PSD3: variants seen among roughly 807,000 people sequenced by gnomAD.
The protein encoded by PSD3 is PH and SEC7 domain-containing protein 3.
PSD3 carries 49 observed loss-of-function variants against 105.5 expected under a neutral mutation model. That is an observed-to-expected ratio of 0.46 (90% CI 0.37 to 0.59). PSD3 has a LOEUF of 0.59. Ranked by LOEUF, PSD3 falls within the 20% of genes least tolerant of loss-of-function variation. PSD3 has a pLI of 0.00. For synonymous variants in PSD3, 557 were observed against 457.8 expected, an observed-to-expected ratio of 1.22 and a Z score of -2.77; for missense variants, 1,561 against 1,263.8, an observed-to-expected ratio of 1.24 and a Z score of -3.57.
intron 15 of PSD3, among the ~76,000 whole-genome samples, chr8:18,549,992 A>G (rs1800667798): frequency 6.6e-6 from 1 of 152,228 alleles, no homozygotes; most frequent in African/African-American, 2.4e-5. Context: ...AAATACACCA[A>G]TTACAAGACT....
chr8:18,740,719 T>A (rs547343809), intron 9 of PSD3, among the ~76,000 whole-genome samples: 40 of 152,306 alleles, frequency 2.6e-4, no homozygotes, highest in African/African-American at 9.4e-4. Flanking sequence ...ATCCCAAAAG[T>A]CACATGGAAA....
At chr8:18,657,497 C>G (rs1420639271) in intron 9 of PSD3, among the ~76,000 whole-genome samples, 5 of 152,058 alleles carry the variant, frequency 3.3e-5, no homozygotes, top group Non-Finnish European at 1.5e-5. Context: ...TTCTCAAACA[C>G]AAAAGGGATA....
At chr8:18,857,886 G>A (rs1816142726) in intron 4 of PSD3, among the ~76,000 whole-genome samples, 1 of 152,136 alleles carries the variant, frequency 6.6e-6, no homozygotes, top group African/African-American at 2.4e-5. Flanking sequence ...GAGACCAGTA[G>A]AATACCTGCA....
chr8:18,821,866 CA>C (rs1812762543), intron 4 of PSD3, among the ~76,000 whole-genome samples: 3 of 56,260 alleles, frequency 5.3e-5, no homozygotes, highest in South Asian at 6.9e-4. Flanking sequence ...CACACATGCA[CA>C]CACACCACAC....
At chr8:18,820,726 G>A (rs1415783771) in intron 4 of PSD3, among the ~76,000 whole-genome samples, 2 of 152,126 alleles carry the variant, frequency 1.3e-5, no homozygotes, top group Non-Finnish European at 2.9e-5. Context: ...ACAGTCTGCT[G>A]TATGCAGTTG....
chr8:18,907,286 T>C (rs73202148), intron 2 of PSD3, among the ~76,000 whole-genome samples: 2,156 of 152,284 alleles, frequency 0.014, 16 homozygotes, highest in Non-Finnish European at 0.022. Flanking sequence ...GCTCCAAGCA[T>C]GGTAAATGCC....
At chr8:18,808,691 C>T in intron 4 of PSD3, 4 of 1,604,404 alleles carry the variant, frequency 2.5e-6, no homozygotes, top group Non-Finnish European at 3.4e-6. Flanking sequence ...ATTATTTGAA[C>T]AAGAACCGGA....
chr8:18,818,012 G>T (rs1444281320), intron 4 of PSD3, among the ~76,000 whole-genome samples: 3 of 152,192 alleles, frequency 2.0e-5, no homozygotes, highest in Admixed American at 2.0e-4. Flanking sequence ...GGAGTGCAGT[G>T]GCGCGATCTC....
At chr8:19,013,981 T>A (rs1234480834), upstream of PSD3, 1 of 151,432 alleles carries the variant, frequency 6.6e-6, no homozygotes, top group Admixed American at 6.6e-5. Flanking sequence ...AGTGCAGCCC[T>A]CGAGCGGCCC....
intron 4 of PSD3, among the ~76,000 whole-genome samples, chr8:18,824,126 T>A (rs1251626885): frequency 5.3e-5 from 8 of 152,178 alleles, no homozygotes; most frequent in Non-Finnish European, 2.9e-5. Context: ...TCAGGTATGA[T>A]CATGCCACTG....
At chr8:18,748,359 C>T (rs1207414982) in intron 9 of PSD3, among the ~76,000 whole-genome samples, 11 of 152,014 alleles carry the variant, frequency 7.2e-5, no homozygotes, top group Admixed American at 2.0e-4. Flanking sequence ...TAGAGAGTAA[C>T]GCTAATAAAG....
At chr8:19,081,215 C>T (rs1262887883) in intron 1 of PSD3, among the ~76,000 whole-genome samples, 1 of 149,734 alleles carries the variant, frequency 6.7e-6, no homozygotes, top group Non-Finnish European at 1.5e-5. Flanking sequence ...ACTCCACGTC[C>T]CCAACACCTA....
intron 11 of PSD3, among the ~76,000 whole-genome samples, chr8:18,621,266 G>A (rs186028548): frequency 5.3e-5 from 8 of 152,222 alleles, no homozygotes; most frequent in East Asian, 3.9e-4. Context: ...AAATTAGCCC[G>A]GCATGGTGGC....
At chr8:18,618,860 T>G (rs925582109) in intron 11 of PSD3, among the ~76,000 whole-genome samples, 2 of 152,114 alleles carry the variant, frequency 1.3e-5, no homozygotes, top group Non-Finnish European at 2.9e-5. Flanking sequence ...TTTTATTCTT[T>G]TATTTTGTAG....
intron 9 of PSD3, among the ~76,000 whole-genome samples, chr8:18,726,996 C>T (rs1803372741): frequency 6.6e-6 from 1 of 152,044 alleles, no homozygotes; most frequent in Non-Finnish European, 1.5e-5. Context: ...GAGTTCTAGA[C>T]CAGCCTGGTC....
intron 12 of PSD3, among the ~76,000 whole-genome samples, chr8:18,598,759 C>A (rs1297226174): frequency 6.6e-6 from 1 of 151,946 alleles, no homozygotes; most frequent in Admixed American, 6.6e-5. Context: ...AATGAACAAT[C>A]TGAAAAGGAA....
intron 1 of PSD3, among the ~76,000 whole-genome samples, chr8:19,080,126 T>C (rs749302425): frequency 7.9e-5 from 12 of 152,180 alleles, no homozygotes; most frequent in Non-Finnish European, 1.5e-4. Flanking sequence ...TGACTTCAAA[T>C]GATTTGCCAG....
At chr8:18,668,549 C>G (rs910573412) in intron 9 of PSD3, among the ~76,000 whole-genome samples, 6 of 152,162 alleles carry the variant, frequency 3.9e-5, no homozygotes, top group African/African-American at 1.4e-4. Context: ...ACAGCTGATG[C>G]CTATGAAGGT....
At chr8:18,710,736 C>T (rs1286264468) in intron 9 of PSD3, among the ~76,000 whole-genome samples, 5 of 151,938 alleles carry the variant, frequency 3.3e-5, no homozygotes, top group Non-Finnish European at 7.4e-5. Flanking sequence ...GGCTGGAGTG[C>T]AGTGGCGTGA....
Sources: gnomAD v4.1 joint callset for allele counts (sites outside exome capture counted in the v4.1 genomes callset) on GRCh38, gnomAD v4.1.1 for gene constraint, MANE v1.5 for transcripts, NCBI Gene and HGNC (gene_info 2026-07-23, HGNC 2026-07-21) for gene names.